RABL6: variants seen among roughly 807,000 people sequenced by gnomAD.
RABL6 encodes the protein rab-like protein 6.
In RABL6, 28 loss-of-function variants were observed where a neutral mutation model predicts 72.9. That is an observed-to-expected ratio of 0.38 (90% CI 0.28 to 0.53). The LOEUF (loss-of-function observed/expected upper bound fraction) is 0.53, where lower values mean the gene tolerates loss of function less well. RABL6 is among the 20% of genes least tolerant of loss of function. RABL6 has a pLI of 0.80. For missense variants in RABL6, 1,029 were observed against 1,008.4 expected, an observed-to-expected ratio of 1.02 and a Z score of -0.28; for synonymous variants, 477 against 421.2, an observed-to-expected ratio of 1.13 and a Z score of -1.62.
chr9:136,815,702 GT>G (rs1298009324), intron 1 of RABL6, among the ~76,000 whole-genome samples: 5 of 152,206 alleles, frequency 3.3e-5, no homozygotes, highest in Non-Finnish European at 7.3e-5. Flanking sequence ...CTGGTTAGGA[GT>G]TAAACCTTCA....
chr9:136,823,756 G>A lies in RABL6; in HGVS notation c.265+97G>A, dbSNP rs140167540. The A allele has an allele frequency of 6.0e-4, 848 of 1,422,626 alleles. 6 individuals carry two copies. The African/African-American group carries it at 0.011, about 18-fold the overall frequency. The allele number at this position is 1,422,626 out of a possible 1,614,324, so 88.1% of individuals were successfully genotyped here. ...TGCATTCCCCAGAGGGGGTCTCCCC[G>A]AAGAGTTCTTGTCTGTGAGGGACCC... On this transcript the variant is annotated intron_variant, in intron 2 of 14. Transcript: ENST00000311502.
intron 5 of RABL6, among the ~76,000 whole-genome samples, chr9:136,830,455 G>GGCACACGGATGGCAGGAGAACC (rs1422737862): frequency 1.3e-5 from 2 of 152,240 alleles, no homozygotes; most frequent in Non-Finnish European, 2.9e-5. Flanking sequence ...GTGGGGGTGT[G>GGCACACGGATGGCAGGAGAACC]GCACACGGAT....
chr9:136,809,509 G>A, intron 1 of RABL6: 2 of 241,882 alleles, frequency 8.3e-6, no homozygotes, highest in Non-Finnish European at 8.5e-6. Context: ...GGGCACGGTG[G>A]CTCATGCCTG....
At position 136,826,282 on chromosome 9, in the gene RABL6, C is replaced by A. The variant is rs1354682579; in HGVS notation, c.313+456C>A. On this transcript the variant is annotated intron_variant, in intron 3 of 14. Transcript: ENST00000311502. The surrounding 1 kb of genome is among the most constrained non-coding windows in gnomAD (Gnocchi z 4.9). ...GGGGACCGTGGGAGGGCAGCACCAG[C>A]CCCCGGGGTGTCCTCGACATCGTTG... Among the ~76,000 whole-genome samples the A allele has an allele frequency of 6.6e-6, 1 of 152,150 alleles. No individual in the cohort carries two copies. Among genetic ancestry groups the A allele is most frequent in the Non-Finnish European group, 1.5e-5 (1 of 67,994 alleles).
At chr9:136,824,299 T>C (rs964764281) in intron 2 of RABL6, among the ~76,000 whole-genome samples, 2 of 151,168 alleles carry the variant, frequency 1.3e-5, no homozygotes, top group African/African-American at 2.4e-5. Flanking sequence ...TTTGTTTGTT[T>C]GTTCGTTTGT....
At chr9:136,834,094 G>A in intron 7 of RABL6, 1 of 1,328,788 alleles carries the variant, frequency 7.5e-7, no homozygotes, top group East Asian at 2.8e-5. Context: ...CAGATCTGAT[G>A]TCCTCGCCTG....
intron 1 of RABL6, among the ~76,000 whole-genome samples, chr9:136,820,702 C>G (rs1848218643): frequency 6.6e-6 from 1 of 151,692 alleles, no homozygotes; most frequent in Non-Finnish European, 1.5e-5. Context: ...AAAATAAAAT[C>G]AAAGGAAGGT....
chr9:136,817,145 G>C (rs1848136277), intron 1 of RABL6, among the ~76,000 whole-genome samples: 2 of 152,062 alleles, frequency 1.3e-5, no homozygotes, highest in South Asian at 2.1e-4. Context: ...GTCAGCAGCA[G>C]GAGAAGCAGC....
At chr9:136,834,169 G>A (rs1233792164) in intron 7 of RABL6, 8 of 1,271,028 alleles carry the variant, frequency 6.3e-6, no homozygotes, top group African/African-American at 3.0e-5. Context: ...GCAAATTTCA[G>A]GCCTTCTTTA....
At position 136,841,022 on chromosome 9, in the gene RABL6, C is replaced by T. The variant is rs765399575; in HGVS notation, c.*500C>T. 8.9e-5 allele frequency: 128 copies of T among 1,433,516 alleles called. No individual in the cohort carries two copies. Among genetic ancestry groups the T allele is most frequent in the Middle Eastern group, 7.8e-4 (3 of 3,838 alleles). 88.8% of individuals were successfully genotyped at this position (1,433,516 alleles called of 1,614,324 possible). On this transcript the variant is annotated 3_prime_UTR_variant, in exon 15 of 15. Coordinates refer to ENST00000311502, the MANE Select transcript of RABL6 (RefSeq NM_024718.5). ...GCGGCCCAGGCCCCACGCTAGAAGG[C>T]TGGCGAGACCGAAGGCAGCATGTGA...
In RABL6 at chr9:136,808,342, CG is replaced by C. The variant is rs753089477; in HGVS notation, c.130+23del. 70 of 1,492,522 alleles carry C rather than the reference CG, an allele frequency of 4.7e-5. No homozygotes were observed. The highest frequency in any genetic ancestry group is 1.7e-4 in the South Asian group (13 of 76,348). The allele number at this position is 1,492,522 out of a possible 1,614,324, so 92.5% of individuals were successfully genotyped here. Reference sequence around the variant, plus strand: ...CAGTACAACAGTGAGTGCGGCGGGCCGGGGGGGCGCGGGAGCGCCGCGCGGG... The same window carrying C: ...CAGTACAACAGTGAGTGCGGCGGGCCGGGGGGCGCGGGAGCGCCGCGCGGG... On this transcript the variant is annotated intron_variant, in intron 1 of 14. Coordinates refer to ENST00000311502, the MANE Select transcript of RABL6 (RefSeq NM_024718.5).
At chr9:136,840,248 G>A (rs1377891361) in intron 14 of RABL6, 36 bp downstream of exon 14, 3 of 1,612,528 alleles carry the variant, frequency 1.9e-6, no homozygotes, top group Non-Finnish European at 1.7e-6. Flanking sequence ...GGCCAGGACT[G>A]GGTGGCATGC....
chr9:136,838,823 A>G, intron 10 of RABL6, 86 bp from the exon 11 acceptor site: 8 of 1,231,154 alleles, frequency 6.5e-6, no homozygotes, highest in Non-Finnish European at 8.8e-6. Context: ...TGTGCTGGGT[A>G]CCAGGGCGCC....
chr9:136,838,881 C>T, intron 10 of RABL6, 28 bp from the exon 11 acceptor site: 1 of 1,522,716 alleles, frequency 6.6e-7, no homozygotes. Context: ...CCCCGTGGCC[C>T]TTGACCGCTT....
rs1848538112 is a variant in RABL6, at chr9:136,834,059, T to A, written c.706-1683T>A. On this transcript the variant is annotated intron_variant, in intron 7 of 14. Coordinates refer to ENST00000311502, the MANE Select transcript of RABL6 (RefSeq NM_024718.5). ...CGTAGGGCTGAGCTGTGTGTGACTA[T>A]CCTTTTGCTATGGATGTGTTCAAGC... 12 of 1,440,074 alleles carry A rather than the reference T, an allele frequency of 8.3e-6. No individual in the cohort carries two copies. In the South Asian group the frequency reaches 1.9e-4, roughly 22 times the overall value. The allele number at this position is 1,440,074 out of a possible 1,614,324, so 89.2% of individuals were successfully genotyped here.
chr9:136,834,891 C>T (rs557167013), intron 7 of RABL6, among the ~76,000 whole-genome samples: 50 of 137,544 alleles, frequency 3.6e-4, no homozygotes, highest in African/African-American at 1.3e-3. Flanking sequence ...AGTTCCAGAT[C>T]TTCTGCCTGG....
At chr9:136,834,069 A>G in intron 7 of RABL6, 3 of 1,434,152 alleles carry the variant, frequency 2.1e-6, no homozygotes, top group Non-Finnish European at 1.8e-6. Context: ...TCCTTTTGCT[A>G]TGGATGTGTT....
intron 4 of RABL6, 47 bp downstream of exon 4, chr9:136,828,593 G>C (rs1179727947): frequency 1.3e-6 from 2 of 1,589,834 alleles, no homozygotes; most frequent in East Asian, 4.5e-5. Flanking sequence ...GGGCCCCGGG[G>C]TGCGTGAGCC....
chr9:136,827,455 G>C lies in RABL6; in HGVS notation c.314-1039G>C, dbSNP rs1352055710. ...CCTCCGCCTGGTCAGCCAGGACCCG[G>C]CTCCCCTCCAGTCCCGCCTGCTTTC... On this transcript the variant is annotated intron_variant, in intron 3 of 14. Transcript: ENST00000311502. 5 of 152,366 alleles carry C rather than the reference G, an allele frequency of 3.3e-5. No homozygotes were observed. In the East Asian group the frequency reaches 9.7e-4, roughly 29 times the overall value. The allele number at this position is 152,366 out of a possible 1,614,324, so 9.4% of individuals were successfully genotyped here. A position where few individuals can be genotyped will look rare whatever the true frequency, so the allele number is the denominator to read the frequency against.
Sources: allele counts gnomAD v4.1 joint callset (sites outside exome capture counted in the v4.1 genomes callset), GRCh38; gene constraint gnomAD v4.1.1; non-coding constraint Gnocchi (gnomAD v3.1); transcripts MANE v1.5; gene names NCBI Gene and HGNC (gene_info 2026-07-23, HGNC 2026-07-21).